Variants in C1orf105 observed in about 807,000 individuals in gnomAD.
C1orf105 encodes the protein chromosome 1 open reading frame 105.
Under a neutral mutation model 20.8 loss-of-function variants are expected in C1orf105, and 17 were observed. The ratio of observed to expected loss-of-function variants is 0.82; its 90% CI spans 0.56 to 1.23. The LOEUF (loss-of-function observed/expected upper bound fraction) is 1.23. Among genes scored for constraint, C1orf105 ranks in the 50% most tolerant of loss-of-function variants. C1orf105 has a pLI of 0.00. For synonymous variants in C1orf105, 72 were observed against 72.1 expected (o/e 1.00, Z 0.01); for missense variants, 219 against 213.5 (o/e 1.03, Z -0.16).
At chr1:172,449,955 G>A (rs7544376) in intron 3 of C1orf105, among the ~76,000 whole-genome samples, 126,094 of 152,208 alleles carry the variant, frequency 0.83, 52,472 homozygotes, top group East Asian at 1. Flanking sequence ...GTGGCAACCT[G>A]GGCACTAGGA....
At chr1:172,421,571 T>C (rs912401877) in intron 1 of C1orf105, among the ~76,000 whole-genome samples, 1 of 151,984 alleles carries the variant, frequency 6.6e-6, no homozygotes, top group South Asian at 2.1e-4. Context: ...AAATCCTAAG[T>C]TGGGGAGGAC....
intron 2 of C1orf105, among the ~76,000 whole-genome samples, chr1:172,445,676 A>G (rs113469701): frequency 6.6e-6 from 1 of 152,198 alleles, no homozygotes; most frequent in Non-Finnish European, 1.5e-5. Flanking sequence ...GAGCATTTCA[A>G]CTGTCTCTTG....
At chr1:172,461,390 G>T (rs1649681242) in intron 4 of C1orf105, among the ~76,000 whole-genome samples, 2 of 152,182 alleles carry the variant, frequency 1.3e-5, no homozygotes, top group Non-Finnish European at 2.9e-5. Context: ...TTAGTGAGTA[G>T]AGTAGTTGAA....
intron 3 of C1orf105, among the ~76,000 whole-genome samples, chr1:172,456,086 T>A (rs1259915757): frequency 6.6e-6 from 1 of 152,082 alleles, no homozygotes. Flanking sequence ...ACACAGGTGC[T>A]CAGGCTGGAA....
chr1:172,428,680 C>G, intron 1 of C1orf105: 1 of 576,918 alleles, frequency 1.7e-6, no homozygotes, highest in South Asian at 2.2e-5. Context: ...TGCTATGCCA[C>G]TTTTTTCTTT....
chr1:172,436,458 C>A (rs1414861661), intron 1 of C1orf105, among the ~76,000 whole-genome samples: 1 of 152,188 alleles, frequency 6.6e-6, no homozygotes, highest in Non-Finnish European at 1.5e-5. Flanking sequence ...ACCATCTGAT[C>A]TTTGACAAAC....
At position 172,445,110 on chromosome 1, in the gene C1orf105, G is replaced by C. The variant is rs1197571388; in HGVS notation, c.59G>C (p.Ser20Thr). 2 of 1,613,626 alleles carry C rather than the reference G, an allele frequency of 1.2e-6. No individual in the cohort carries two copies. Among genetic ancestry groups the C allele is most frequent in the South Asian group, 1.1e-5 (1 of 90,942 alleles). The change falls in exon 2 of 7, where the codon AGT becomes ACT. Residue 20 changes from serine (S) to threonine (T), a missense_variant. By Grantham distance (58) the Ser-to-Thr change is moderately conservative. Transcript: ENST00000367727. ...AAATTTGACAAGATTCCTTGGCTTA[G>C]TGAGGCCAGCCTTGTAAACAAGCCA... ...VPKFDKIPWL[S>T]EASLVNKPLV... is the part of the protein sequence containing the mutation.
chr1:172,430,202 A>C (rs894424585), intron 1 of C1orf105: 84 of 595,916 alleles, frequency 1.4e-4, no homozygotes, highest in Non-Finnish European at 2.2e-4. Context: ...GTGTGGTTTA[A>C]ATATAAGAGA....
intron 1 of C1orf105, among the ~76,000 whole-genome samples, chr1:172,432,170 G>C (rs969544236): frequency 6.6e-6 from 1 of 152,222 alleles, no homozygotes; most frequent in Non-Finnish European, 1.5e-5. Flanking sequence ...GGACATAGCT[G>C]AACAAAAGTG....
rs181643722 is a variant in C1orf105, at chr1:172,450,594, C to T, written c.198+2063C>T. On this transcript the variant is annotated intron_variant, in intron 3 of 6. Transcript: ENST00000367727. ...ACCTGACAAGAAGCTGCTGGCAATC[C>T]GGAGGCCAACTGGAGACCCCGGACC... 4.3e-4 allele frequency among the ~76,000 whole-genome samples: 65 copies of T among 152,338 alleles called. 1 individual carries two copies. Among genetic ancestry groups the T allele is most frequent in the Admixed American group, 1.1e-3 (17 of 15,304 alleles).
At chr1:172,437,611 C>A (rs1274724638) in intron 1 of C1orf105, among the ~76,000 whole-genome samples, 1 of 150,124 alleles carries the variant, frequency 6.7e-6, no homozygotes, top group Admixed American at 6.6e-5. Context: ...GGAGGGATAG[C>A]ATTAGGATAA....
At chr1:172,459,100 A>G (rs1649513141) in intron 4 of C1orf105, among the ~76,000 whole-genome samples, 1 of 152,196 alleles carries the variant, frequency 6.6e-6, no homozygotes, top group South Asian at 2.1e-4. Context: ...TTAGAAGAAA[A>G]CATAGGTATA....
At chr1:172,446,616 C>T (rs1648030494) in intron 2 of C1orf105, among the ~76,000 whole-genome samples, 1 of 152,356 alleles carries the variant, frequency 6.6e-6, no homozygotes, top group South Asian at 2.1e-4. Context: ...CCCATTAGAC[C>T]TGCCCCAGCA....
intron 4 of C1orf105, among the ~76,000 whole-genome samples, chr1:172,459,649 C>T (rs1347486737): frequency 6.6e-6 from 1 of 152,028 alleles, no homozygotes; most frequent in Non-Finnish European, 1.5e-5. Context: ...TTGGGAATTC[C>T]TCAAAACCTT....
chr1:172,429,462 T>C (rs2071810808), intron 1 of C1orf105, among the ~76,000 whole-genome samples: 1 of 152,230 alleles, frequency 6.6e-6, no homozygotes, highest in Admixed American at 6.5e-5. Flanking sequence ...TTGCATCTCT[T>C]ATAAAAAGGG....
At chr1:172,441,669 C>G in intron 1 of C1orf105, 1 of 1,366,346 alleles carries the variant, frequency 7.3e-7, no homozygotes, top group Non-Finnish European at 1.0e-6. Flanking sequence ...TCTTTAAGTT[C>G]TATACTAGTT....
intron 6 of C1orf105, among the ~76,000 whole-genome samples, chr1:172,467,800 AT>A (rs1037816308): frequency 2.6e-5 from 4 of 152,168 alleles, no homozygotes; most frequent in African/African-American, 9.7e-5. Flanking sequence ...GGAAGATGTT[AT>A]TTCATGCACT....
rs560294610 is a variant in C1orf105, at chr1:172,436,230, G to A, written c.22-8843G>A. 2.6e-5 allele frequency among the ~76,000 whole-genome samples: 4 copies of A among 152,212 alleles called. No individual in the cohort carries two copies. The East Asian group carries it at 7.7e-4, about 29-fold the overall frequency. The stretch of plus-strand genomic sequence containing the variant: ...ACCAATGACTTTCTTCACAGAATTG[G>A]AAAAAACTACTTTAAAGTTCATATG... On this transcript the variant is annotated intron_variant, in intron 1 of 6. Coordinates refer to ENST00000367727, the MANE Select transcript of C1orf105 (RefSeq NM_139240.4).
intron 3 of C1orf105, among the ~76,000 whole-genome samples, chr1:172,454,215 G>A (rs1433752611): frequency 6.6e-6 from 1 of 152,018 alleles, no homozygotes; most frequent in Non-Finnish European, 1.5e-5. Flanking sequence ...CCTTGTCCAG[G>A]TCTTCCTCAT....
Sources: allele counts gnomAD v4.1 joint callset (sites outside exome capture counted in the v4.1 genomes callset), GRCh38; gene constraint gnomAD v4.1.1; transcripts MANE v1.5; gene names NCBI Gene and HGNC (gene_info 2026-07-23, HGNC 2026-07-21).